KIAA2013: variants seen among roughly 807,000 people sequenced by gnomAD.
The protein encoded by KIAA2013 is uncharacterized protein KIAA2013.
Under a neutral mutation model 39.9 loss-of-function variants are expected in KIAA2013, and 20 were observed. That is an observed-to-expected ratio of 0.50 (90% CI 0.35 to 0.73). KIAA2013 has a LOEUF of 0.73. Ranked by LOEUF, KIAA2013 falls within the 30% of genes least tolerant of loss-of-function variation. KIAA2013 has a pLI of 0.01. For synonymous variants in KIAA2013, 336 were observed against 416.6 expected, an observed-to-expected ratio of 0.81 and a Z score of 2.35; for missense variants, 587 against 856.1, an observed-to-expected ratio of 0.69 and a Z score of 3.92.
At chr1:11,921,527 T>TTTA (rs1370134486) in intron 2 of KIAA2013, among the ~76,000 whole-genome samples, 2 of 151,562 alleles carry the variant, frequency 1.3e-5, no homozygotes, top group African/African-American at 2.4e-5. Flanking sequence ...TTATTTTTAT[T>TTTA]TTATTATTAT....
rs753954125 is a variant in KIAA2013, at chr1:11,920,238, C to G, written c.*77G>C. ...AAAGGGCGGGTGCTTCCAAAGGATC[C>G]CTTGCTCCTGGCAGCGGGACTTTCA... On this transcript the variant is annotated 3_prime_UTR_variant, in exon 3 of 3. Coordinates refer to ENST00000376572, the MANE Select transcript of KIAA2013 (RefSeq NM_138346.3). The G allele has an allele frequency of 9.2e-6, 14 of 1,527,370 alleles. No homozygotes were observed. The highest frequency in any genetic ancestry group is 1.2e-5 in the Non-Finnish European group (13 of 1,101,208). The allele number at this position is 1,527,370 out of a possible 1,614,324, so 94.6% of individuals were successfully genotyped here.
rs1368520666 is a variant in KIAA2013 at position 11,925,170 on chromosome 1, T to C, written c.1033+35A>G. On this transcript the variant is annotated intron_variant, in intron 1 of 2. Transcript: ENST00000376572. The surrounding 1 kb of genome is among the most constrained non-coding windows in gnomAD (Gnocchi z 5.2). Reference sequence around the variant, plus strand: ...CACCTCTGCAGACTTGGGAGGGACATATCTAGGGTGGACCAAGCGCTGGCC... The same window carrying C: ...CACCTCTGCAGACTTGGGAGGGACACATCTAGGGTGGACCAAGCGCTGGCC... 2.3e-5 allele frequency: 35 copies of C among 1,525,176 alleles called. No homozygotes were observed. Among genetic ancestry groups the C allele is most frequent in the Non-Finnish European group, 3.0e-5 (34 of 1,135,840 alleles). 94.5% of individuals were successfully genotyped at this position (1,525,176 alleles called of 1,614,324 possible). A position where few individuals can be genotyped will look rare whatever the true frequency, so the allele number is the denominator to read the frequency against.
In KIAA2013 at chr1:11,919,970, C is replaced by A. The variant is rs564051549; in HGVS notation, c.*345G>T. 1.9e-5 allele frequency: 7 copies of A among 365,314 alleles called. No individual in the cohort carries two copies. The highest frequency in any genetic ancestry group is 1.3e-4 in the African/African-American group (6 of 47,462). 22.6% of individuals were successfully genotyped at this position (365,314 alleles called of 1,614,324 possible). A position where few individuals can be genotyped will look rare whatever the true frequency, so the allele number is the denominator to read the frequency against. ...AACACGTTAAATTAGGAAAAGGACA[C>A]AACTTTTCCTAGACAAGAGTCTTTT... On this transcript the variant is annotated 3_prime_UTR_variant, in exon 3 of 3. Transcript: ENST00000376572.
At position 11,926,143 on chromosome 1, in the gene KIAA2013, A is replaced by G; in HGVS notation, c.95T>C (p.Leu32Pro). ...CGCGCCGGACCCCCCAAACCACAGA[A>G]GCAGCAGCAGGAGGCCAAGCAGGCA... is the stretch of plus-strand genomic sequence containing the variant. ...LLCLLGLLLL[L>P]LWFGGSGARR... The change falls in exon 1 of 3, where the codon CTT (leucine) becomes CCT (proline). Residue 32 changes from leucine to proline, a missense_variant. Leu to Pro is a moderately conservative substitution (Grantham distance 98). Transcript: ENST00000376572. 1 of 1,401,728 alleles carries G rather than the reference A, an allele frequency of 7.1e-7. No homozygotes were observed. The highest frequency in any genetic ancestry group is 9.3e-7 in the Non-Finnish European group (1 of 1,071,502). The allele number at this position is 1,401,728 out of a possible 1,614,324, so 86.8% of individuals were successfully genotyped here.
Position 11,922,290 on chromosome 1 carries a change from A to G in KIAA2013, c.1887+346T>C, listed in dbSNP as rs186429054. ...CTGCAGCCTCAAACTCCTGGGCTCAAGGGATTCTCCCATCTCAGCCTCCCA... is the reference window on the plus strand; with the variant it reads ...CTGCAGCCTCAAACTCCTGGGCTCAGGGGATTCTCCCATCTCAGCCTCCCA... On this transcript the variant is annotated intron_variant, in intron 2 of 2. Transcript: ENST00000376572. 1.0e-4 allele frequency: 128 copies of G among 1,285,682 alleles called. No homozygotes were observed. The African/African-American group carries it at 1.7e-3, about 17-fold the overall frequency. The allele number at this position is 1,285,682 out of a possible 1,614,324, so 79.6% of individuals were successfully genotyped here. A position where few individuals can be genotyped will look rare whatever the true frequency, so the allele number is the denominator to read the frequency against.
intron 2 of KIAA2013, 136 bp downstream of exon 2, chr1:11,922,500 G>A (rs1363503815): frequency 6.5e-7 from 1 of 1,531,356 alleles, no homozygotes; most frequent in Non-Finnish European, 8.8e-7. Flanking sequence ...GCGCTCTCTG[G>A]TGTCAAGGGC....
At position 11,920,256 on chromosome 1, in the gene KIAA2013, G is replaced by A. The variant is rs1645466759; in HGVS notation, c.*59C>T. ...AAGGATCCCTTGCTCCTGGCAGCGG[G>A]ACTTTCAGTGCTGGGTGTCTTGTGC... On this transcript the variant is annotated 3_prime_UTR_variant, in exon 3 of 3. Transcript: ENST00000376572. 6.3e-7 allele frequency: 1 copy of A among 1,594,790 alleles called. No individual in the cohort carries two copies.
At position 11,926,121 on chromosome 1, in the gene KIAA2013, G is replaced by A. The variant is rs1351760823; in HGVS notation, c.117C>T (p.Gly39=). The change falls in exon 1 of 3, where the codon GGC becomes GGT. Residue 39 remains glycine (G), a synonymous_variant. Coordinates refer to ENST00000376572, the MANE Select transcript of KIAA2013 (RefSeq NM_138346.3). ...GCAGGCCGCCCGCCGCCCGCCGCGC[G>A]CCGGACCCCCCAAACCACAGAAGCA... ...LLLLLWFGGS[G]ARRAAGGLHL... is the part of the protein sequence containing the mutation. 1 of 1,406,062 alleles carries A rather than the reference G, an allele frequency of 7.1e-7. No individual in the cohort carries two copies. Among genetic ancestry groups the A allele is most frequent in the Non-Finnish European group, 9.3e-7 (1 of 1,074,508 alleles). 87.1% of individuals were successfully genotyped at this position (1,406,062 alleles called of 1,614,324 possible).
At position 11,925,706 on chromosome 1, in the gene KIAA2013, C is replaced by T. The variant is rs1645502193; in HGVS notation, c.532G>A (p.Ala178Thr). 6.3e-7 allele frequency: 1 copy of T among 1,586,610 alleles called. No homozygotes were observed. Residue 178 changes from alanine to threonine, a missense_variant, in exon 1 of 3, where the codon GCC becomes ACC. Ala to Thr is a moderately conservative substitution (Grantham distance 58, BLOSUM62 0). Coordinates refer to ENST00000376572, the MANE Select transcript of KIAA2013 (RefSeq NM_138346.3). This position sits in a 1 kb window ranked among gnomAD's most constrained non-coding sequence, Gnocchi z 5.2. ...GPGPASVSGL[A>T]AGSGRDCVLL... ...ACGCAGTCGCGGCCGGACCCCGCGG[C>T]AAGGCCAGAGACGGAGGCGGGCCCG...
intron 2 of KIAA2013, 84 bp from the exon 3 acceptor site, chr1:11,920,416 C>T (rs1645467562): frequency 1.5e-6 from 2 of 1,373,132 alleles, no homozygotes; most frequent in East Asian, 2.3e-5. Context: ...GGAGACAACC[C>T]TAGTGGCACC....
chr1:11,924,954 C>T (rs1645497095), intron 1 of KIAA2013, among the ~76,000 whole-genome samples: 1 of 152,314 alleles, frequency 6.6e-6, no homozygotes, highest in Middle Eastern at 3.4e-3. Flanking sequence ...AAAGAATTGA[C>T]CTTTACACTC....
At chr1:11,922,336 C>G (rs1219086900) in intron 2 of KIAA2013, 2 of 1,418,496 alleles carry the variant, frequency 1.4e-6, no homozygotes. Context: ...ACTACAGGCA[C>G]AAGCCACCAC....
In KIAA2013 at chr1:11,926,260, G is replaced by T; in HGVS notation, c.-23C>A. 12 of 1,101,744 alleles carry T rather than the reference G, an allele frequency of 1.1e-5. No homozygotes were observed. The highest frequency in any genetic ancestry group is 1.3e-5 in the Non-Finnish European group (12 of 904,984). The allele number at this position is 1,101,744 out of a possible 1,614,324, so 68.2% of individuals were successfully genotyped here. A position where few individuals can be genotyped will look rare whatever the true frequency, so the allele number is the denominator to read the frequency against. ...CATCGGGCCGCCAGGCGCGGGCAAG[G>T]GTGCGAGGGCGGCCGCCGGGCCCGC... On this transcript the variant is annotated 5_prime_UTR_variant, in exon 1 of 3. Coordinates refer to ENST00000376572, the MANE Select transcript of KIAA2013 (RefSeq NM_138346.3).
rs924518598 is a variant in KIAA2013, at chr1:11,926,205, C to G, written c.33G>C (p.Pro11=). MWLQQRLKGL[P]GLLSSSWARR... Reference sequence around the variant, plus strand: ...GGGCCCAGCTGCTCGACAGCAGTCCCGGCAGCCCCTTGAGCCGCTGCTGCA... The same window carrying G: ...GGGCCCAGCTGCTCGACAGCAGTCCGGGCAGCCCCTTGAGCCGCTGCTGCA... The change falls in exon 1 of 3, where the codon CCG becomes CCC. Residue 11 remains proline (P), a synonymous_variant. Transcript: ENST00000376572. The G allele has an allele frequency of 3.0e-6, 4 of 1,351,296 alleles. No individual in the cohort carries two copies. In the African/African-American group the frequency reaches 4.6e-5, roughly 16 times the overall value. The allele number at this position is 1,351,296 out of a possible 1,614,324, so 83.7% of individuals were successfully genotyped here.
In KIAA2013 at chr1:11,923,164, C is replaced by A. The variant is rs71283404; in HGVS notation, c.1359G>T (p.Gly453=). The A allele has an allele frequency of 6.2e-7, 1 of 1,613,544 alleles. No individual in the cohort carries two copies. Residue 453 remains glycine, a synonymous_variant, in exon 2 of 3, where the codon GGG becomes GGT. Coordinates refer to ENST00000376572, the MANE Select transcript of KIAA2013 (RefSeq NM_138346.3). The surrounding 1 kb of genome is among the most constrained non-coding windows in gnomAD (Gnocchi z 4.6). ...GCAGCCCCCCAAAGCTGAGCACCAT[C>A]CCCTGCAGGATGCCTGGGGCACCCA... ...VKVGAPGILQ[G]MVLSFGGLQF...
chr1:11,925,231 A>T lies in KIAA2013; in HGVS notation c.1007T>A (p.Leu336His), dbSNP rs147432421. ...TGGGCTGAAGAGCTGAGCCCAGAGG[A>T]GCTGGTGGTCTTGAAGCAGCTCCGC... ...PAAELLQDHQ[L>H]LWAQLFSPGV... Residue 336 changes from leucine (L) to histidine (H), a missense_variant, in exon 1 of 3, where the codon CTC becomes CAC. Physicochemically the swap from Leu to His is moderately conservative, Grantham distance 99. Coordinates refer to ENST00000376572, the MANE Select transcript of KIAA2013 (RefSeq NM_138346.3). This position sits in a 1 kb window ranked among gnomAD's most constrained non-coding sequence, Gnocchi z 5.2. The T allele has an allele frequency of 6.3e-7, 1 of 1,597,732 alleles. No individual in the cohort carries two copies.
Position 11,926,043 on chromosome 1 carries a change from G to A in KIAA2013, c.195C>T (p.Cys65=), listed in dbSNP as rs1230876376. The part of the protein sequence containing the change: ...GEPGAAEPSA[C]LEAATRAWRG... ...GCCAGGCGCGGGTGGCCGCCTCCAG[G>A]CAGGCAGACGGCTCGGCGGCGCCCG... The change falls in exon 1 of 3, where the codon TGC becomes TGT. Residue 65 remains cysteine, a synonymous_variant. Transcript: ENST00000376572. The A allele has an allele frequency of 1.5e-5, 23 of 1,490,866 alleles. No homozygotes were observed. Among genetic ancestry groups the A allele is most frequent in the Admixed American group, 8.8e-5 (4 of 45,322 alleles). 92.4% of individuals were successfully genotyped at this position (1,490,866 alleles called of 1,614,324 possible). A position where few individuals can be genotyped will look rare whatever the true frequency, so the allele number is the denominator to read the frequency against.
rs1645502367 is a variant in KIAA2013, at chr1:11,925,728, C to G, written c.510G>C (p.Gly170=). ...CGGCAAGGCCAGAGACGGAGGCGGG[C>G]CCGGGGCCGGCGGCCACGGGGCCAG... ...PGPGPVAAGP[G]PASVSGLAAG... is the part of the protein sequence containing the mutation. Residue 170 remains glycine, a synonymous_variant, in exon 1 of 3, where the codon GGG becomes GGC. Coordinates refer to ENST00000376572, the MANE Select transcript of KIAA2013 (RefSeq NM_138346.3). The surrounding 1 kb of genome is among the most constrained non-coding windows in gnomAD (Gnocchi z 5.2). 1 of 1,551,530 alleles carries G rather than the reference C, an allele frequency of 6.4e-7. No individual in the cohort carries two copies. The highest frequency in any genetic ancestry group is 1.4e-5 in the African/African-American group (1 of 73,552).
Position 11,925,128 on chromosome 1 carries a change from A to G in KIAA2013, c.1033+77T>C. The G allele has an allele frequency of 7.3e-7, 1 of 1,363,470 alleles. No individual in the cohort carries two copies. The highest frequency in any genetic ancestry group is 1.5e-5 in the African/African-American group (1 of 68,704). 84.5% of individuals were successfully genotyped at this position (1,363,470 alleles called of 1,614,324 possible). The stretch of plus-strand genomic sequence containing the variant: ...GCCAAGCCCAAGTTTCAACCACCCC[A>G]CCATCACCTTCAGTGTCACCTCTGC... On this transcript the variant is annotated intron_variant, in intron 1 of 2. Transcript: ENST00000376572. The surrounding 1 kb of genome is among the most constrained non-coding windows in gnomAD (Gnocchi z 5.2).
Sources: gnomAD v4.1 joint callset for allele counts (sites outside exome capture counted in the v4.1 genomes callset) on GRCh38, gnomAD v4.1.1 for gene constraint, Gnocchi (gnomAD v3.1) non-coding constraint, MANE v1.5 for transcripts, NCBI Gene and HGNC (gene_info 2026-07-23, HGNC 2026-07-21) for gene names.